Variants in ACOXL observed in about 807,000 individuals in gnomAD.
ACOXL encodes the protein acyl-CoA oxidase like, also known as acyl-coenzyme A oxidase-like protein.
ACOXL carries 70 observed loss-of-function variants against 71.9 expected under a neutral mutation model. The ratio of observed to expected loss-of-function variants is 0.97; its 90% CI spans 0.80 to 1.19. The LOEUF (loss-of-function observed/expected upper bound fraction) is 1.19. ACOXL is among the 50% of genes most tolerant of loss of function. ACOXL has a pLI of 0.00. For synonymous variants in ACOXL, 253 were observed against 281.6 expected (o/e 0.90, Z 1.02); for missense variants, 703 against 736.3 (o/e 0.95, Z 0.52).
At chr2:110,906,679 A>G (rs1411564127) in intron 10 of ACOXL, among the ~76,000 whole-genome samples, 1 of 151,698 alleles carries the variant, frequency 6.6e-6, no homozygotes, top group Non-Finnish European at 1.5e-5. Context: ...TTTTGCTGTC[A>G]CTGTGTGGGT....
At chr2:110,754,510 C>A (rs1679419580) in intron 1 of ACOXL, among the ~76,000 whole-genome samples, 1 of 152,212 alleles carries the variant, frequency 6.6e-6, no homozygotes, top group Non-Finnish European at 1.5e-5. Context: ...CCAGCAGCAA[C>A]TGATATGTTC....
At position 110,744,830 on chromosome 2, in the gene ACOXL, A is replaced by C. The variant is rs558998233; in HGVS notation, c.-23+12056A>C. 3.2e-4 allele frequency among the ~76,000 whole-genome samples: 49 copies of C among 152,162 alleles called. No homozygotes were observed. The South Asian group carries it at 9.8e-3, about 30-fold the overall frequency. On this transcript the variant is annotated intron_variant, in intron 1 of 17. Coordinates refer to ENST00000439055, the MANE Select transcript of ACOXL (RefSeq NM_001142807.4). ...AGAGGGGCATACTCTCTCATCTTGG[A>C]GAGGGTGGAGTTTGAGTATGAAGCT... is the stretch of plus-strand genomic sequence containing the variant.
chr2:110,773,688 G>A (rs539455030), intron 2 of ACOXL, among the ~76,000 whole-genome samples: 1 of 152,206 alleles, frequency 6.6e-6, no homozygotes, highest in South Asian at 2.1e-4. Context: ...CTAGTGGGCT[G>A]TGACAGGCTC....
intron 3 of ACOXL, 106 bp from the exon 4 acceptor site, chr2:110,793,544 A>C: frequency 9.7e-7 from 1 of 1,025,902 alleles, no homozygotes; most frequent in African/African-American, 1.6e-5. Flanking sequence ...TAGGTCAAGC[A>C]CAGGGGGCTG....
chr2:111,114,560 A>G (rs910497655), intron 17 of ACOXL, among the ~76,000 whole-genome samples: 1 of 152,174 alleles, frequency 6.6e-6, no homozygotes, highest in African/African-American at 2.4e-5. Context: ...TATGCTGAGA[A>G]CAGGGGTGAG....
intron 5 of ACOXL, chr2:110,795,615 G>A (rs1219652707): frequency 6.6e-6 from 1 of 152,208 alleles, no homozygotes; most frequent in Non-Finnish European, 1.5e-5. Context: ...GAGGCTCACG[G>A]AGGTTAAGCA....
At chr2:110,833,382 GGAGAGCA>G (rs1347722597) in intron 9 of ACOXL, among the ~76,000 whole-genome samples, 1 of 152,208 alleles carries the variant, frequency 6.6e-6, no homozygotes, top group African/African-American at 2.4e-5. Context: ...TTATGGAAAC[GGAGAGCA>G]GATTAGCGGC....
At chr2:111,105,746 A>T (rs916652570) in intron 17 of ACOXL, among the ~76,000 whole-genome samples, 2 of 152,114 alleles carry the variant, frequency 1.3e-5, no homozygotes, top group Admixed American at 6.5e-5. Context: ...AGAAGTTCTT[A>T]TAGATTCCTT....
At chr2:110,890,926 C>G (rs1697856074) in intron 10 of ACOXL, among the ~76,000 whole-genome samples, 1 of 152,002 alleles carries the variant, frequency 6.6e-6, no homozygotes, top group African/African-American at 2.4e-5. Context: ...CATAAAATGT[C>G]TTTCCATTTA....
chr2:110,934,180 C>G (rs1273492149), intron 12 of ACOXL, among the ~76,000 whole-genome samples: 1 of 152,188 alleles, frequency 6.6e-6, no homozygotes, highest in African/African-American at 2.4e-5. Flanking sequence ...GATCTGTGTG[C>G]AGCTGTGAGA....
At chr2:110,741,946 T>C (rs1296778125) in intron 1 of ACOXL, among the ~76,000 whole-genome samples, 6 of 152,128 alleles carry the variant, frequency 3.9e-5, no homozygotes, top group African/African-American at 1.2e-4. Flanking sequence ...TGATTGCACG[T>C]TTTCTTGCGA....
chr2:110,982,138 G>T (rs2062733451), intron 12 of ACOXL, among the ~76,000 whole-genome samples: 1 of 151,954 alleles, frequency 6.6e-6, no homozygotes, highest in Non-Finnish European at 1.5e-5. Flanking sequence ...TTTTGTTTTG[G>T]TTTGGTTTGG....
chr2:110,770,064 A>G (rs1394296535), intron 2 of ACOXL, among the ~76,000 whole-genome samples: 1 of 152,010 alleles, frequency 6.6e-6, no homozygotes, highest in Non-Finnish European at 1.5e-5. Context: ...ACAAACAAAC[A>G]AAAAACCCAA....
chr2:111,108,967 T>C (rs984725533), intron 17 of ACOXL, among the ~76,000 whole-genome samples: 1 of 152,234 alleles, frequency 6.6e-6, no homozygotes, highest in African/African-American at 2.4e-5. Context: ...ATTAATTTGT[T>C]TATTTTTGCT....
intron 14 of ACOXL, among the ~76,000 whole-genome samples, chr2:111,004,895 G>GC (rs1222673469): frequency 6.6e-6 from 1 of 152,176 alleles, no homozygotes; most frequent in Non-Finnish European, 1.5e-5. Flanking sequence ...CAATACAGTG[G>GC]CCCGAATGGC....
At chr2:110,995,268 G>A (rs2063339590) in intron 13 of ACOXL, among the ~76,000 whole-genome samples, 1 of 151,592 alleles carries the variant, frequency 6.6e-6, no homozygotes, top group Admixed American at 6.6e-5. Flanking sequence ...GGGAGGCTGA[G>A]GTGGGCAGAT....
chr2:111,011,708 C>A (rs929276113), intron 14 of ACOXL, among the ~76,000 whole-genome samples: 2 of 151,828 alleles, frequency 1.3e-5, no homozygotes, highest in African/African-American at 4.8e-5. Context: ...TCTGGCAAAA[C>A]CCTGTCTCTA....
chr2:111,101,654 G>A (rs62163305), intron 17 of ACOXL, among the ~76,000 whole-genome samples: 7 of 146,086 alleles, frequency 4.8e-5, no homozygotes, highest in Admixed American at 2.8e-4. Context: ...ATGAATTTGA[G>A]GGAAAAAAAA....
At position 110,792,489 on chromosome 2, in the gene ACOXL, G is replaced by A. The variant is rs183617952; in HGVS notation, c.160-1161G>A. Among the ~76,000 whole-genome samples the A allele has an allele frequency of 3.3e-5, 5 of 152,028 alleles. No individual in the cohort carries two copies. In the East Asian group the frequency reaches 9.7e-4, roughly 29 times the overall value. On this transcript the variant is annotated intron_variant, in intron 3 of 17. Transcript: ENST00000439055. ...TCTTTGTCAGCAACACTTTTCCAGG[G>A]TTTACAAAAGACCAGGCAGGCTGGG...
Sources: allele counts gnomAD v4.1 joint callset (sites outside exome capture counted in the v4.1 genomes callset), GRCh38; gene constraint gnomAD v4.1.1; transcripts MANE v1.5; gene names NCBI Gene and HGNC (gene_info 2026-07-23, HGNC 2026-07-21).